CHLSN: variants seen among roughly 807,000 people sequenced by gnomAD.
CHLSN encodes the protein protein cholesin.
the CHLSN span, chr7:985,374 G>A: frequency 6.5e-7 from 1 of 1,528,694 alleles, no homozygotes; most frequent in South Asian, 1.2e-5. Flanking sequence ...GGAGTGATGG[G>A]CGTGCAGCAG....
chr7:1,083,004 C>A, the CHLSN span, among the ~76,000 whole-genome samples: 55 of 152,228 alleles, frequency 3.6e-4, no homozygotes, highest in Non-Finnish European at 8.8e-5. Context: ...GGGGCTGGGA[C>A]AATGCCCAGG....
At chr7:1,026,267 G>C in the CHLSN span, 2 of 152,238 alleles carry the variant, frequency 1.3e-5, no homozygotes, top group African/African-American at 4.8e-5. Context: ...TGGACCAGTT[G>C]AGGGTGGAGC....
the CHLSN span, among the ~76,000 whole-genome samples, chr7:1,051,168 T>C: frequency 6.6e-6 from 1 of 152,154 alleles, no homozygotes; most frequent in Admixed American, 6.5e-5. Flanking sequence ...CCCAGGCCCC[T>C]TCCTGTCACT....
chr7:986,639 C>A, the CHLSN span: 1 of 1,612,720 alleles, frequency 6.2e-7, no homozygotes, highest in Non-Finnish European at 8.5e-7. Flanking sequence ...CAACGTCTAC[C>A]CATGGCTCGG....
At chr7:1,019,381 G>A in the CHLSN span, among the ~76,000 whole-genome samples, 1 of 152,128 alleles carries the variant, frequency 6.6e-6, no homozygotes, top group Non-Finnish European at 1.5e-5. Flanking sequence ...CTGCCCCCAT[G>A]CCAGGTTGTT....
chr7:1,073,683 C>CCG, the CHLSN span, among the ~76,000 whole-genome samples: 1 of 147,664 alleles, frequency 6.8e-6, no homozygotes, highest in Non-Finnish European at 1.5e-5. Context: ...GCCGTGACGC[C>CCG]CCCCACGACC....
chr7:1,052,305 C>T, the CHLSN span, among the ~76,000 whole-genome samples: 580 of 152,338 alleles, frequency 3.8e-3, 2 homozygotes, highest in African/African-American at 0.013. The surrounding 1 kb of genome is among the most constrained non-coding windows in gnomAD (Gnocchi z 4.2). Flanking sequence ...TGGGGACACT[C>T]GCCTGAGAAG....
the CHLSN span, chr7:997,844 GGGA>G: frequency 6.5e-7 from 1 of 1,544,282 alleles, no homozygotes; most frequent in Non-Finnish European, 8.8e-7. Flanking sequence ...GGGCGGGGCA[GGGA>G]GGGGCCGCTG....
At chr7:997,567 C>T in the CHLSN span, 7 of 1,390,614 alleles carry the variant, frequency 5.0e-6, no homozygotes, top group South Asian at 1.6e-5. Flanking sequence ...GGAGCTGCAC[C>T]CTGTGTGGTC....
chr7:1,083,802 C>T, the CHLSN span, among the ~76,000 whole-genome samples: 828 of 152,310 alleles, frequency 5.4e-3, 7 homozygotes, highest in African/African-American at 0.019. Context: ...GGCACCGACG[C>T]GCCCACGTCC....
chr7:1,130,276 C>G, the CHLSN span, among the ~76,000 whole-genome samples: 1 of 152,230 alleles, frequency 6.6e-6, no homozygotes, highest in African/African-American at 2.4e-5. Context: ...AAAGAGGCAG[C>G]TGAGGCCACC....
the CHLSN span, among the ~76,000 whole-genome samples, chr7:1,048,050 C>T: frequency 3.3e-5 from 5 of 151,906 alleles, no homozygotes; most frequent in Non-Finnish European, 7.4e-5. Context: ...CAAAGACTGG[C>T]GGAGGGGTGT....
the CHLSN span, among the ~76,000 whole-genome samples, chr7:1,016,389 ACGC>A: frequency 1.3e-5 from 1 of 78,056 alleles, no homozygotes; most frequent in African/African-American, 7.9e-5. Flanking sequence ...ACAGCAGCAC[ACGC>A]CAGCACACAG....
chr7:1,037,662 C>T, the CHLSN span, among the ~76,000 whole-genome samples: 113 of 130,384 alleles, frequency 8.7e-4, no homozygotes, highest in African/African-American at 2.7e-3. Flanking sequence ...TCTGCCCGGC[C>T]GCCACCCCGT....
chr7:1,102,657 C>T, the CHLSN span, among the ~76,000 whole-genome samples: 1 of 152,114 alleles, frequency 6.6e-6, no homozygotes, highest in Non-Finnish European at 1.5e-5. Context: ...GGAAGAGAAC[C>T]CAGCGGGCGA....
the CHLSN span, among the ~76,000 whole-genome samples, chr7:1,016,638 C>CCAGCGCACAGCAGCACACAG: frequency 2.5e-5 from 2 of 81,578 alleles, no homozygotes; most frequent in Non-Finnish European, 4.9e-5. Context: ...GTAGCGCACG[C>CCAGCGCACAGCAGCACACAG]CAGCGCACAG....
the CHLSN span, chr7:1,127,138 C>G: frequency 4.0e-6 from 5 of 1,247,878 alleles, no homozygotes; most frequent in South Asian, 8.4e-5. Flanking sequence ...ACCACGCCTC[C>G]GCACCTGTTC....
chr7:1,126,984 A>G, the CHLSN span, among the ~76,000 whole-genome samples: 1 of 152,070 alleles, frequency 6.6e-6, no homozygotes, highest in African/African-American at 2.4e-5. Context: ...ACCATCCTGC[A>G]TGCCGCCACC....
the CHLSN span, chr7:984,283 C>T: frequency 8.8e-6 from 11 of 1,248,568 alleles, no homozygotes; most frequent in Admixed American, 7.9e-5. Context: ...GGCATCTAGG[C>T]GTGCCCCCTC....
Sources: gnomAD v4.1 joint callset for allele counts (sites outside exome capture counted in the v4.1 genomes callset) on GRCh38, gnomAD v4.1.1 for gene constraint, Gnocchi (gnomAD v3.1) non-coding constraint, MANE v1.5 for transcripts, NCBI Gene and HGNC (gene_info 2026-07-23, HGNC 2026-07-21) for gene names.